The following ANKFN1 variants were observed in gnomAD, a reference collection of about 807,000 sequenced individuals.
The protein encoded by ANKFN1 is ankyrin repeat and fibronectin type III domain containing 1, also known as ankyrin repeat and fibronectin type-III domain-containing protein 1.
In ANKFN1, 74 loss-of-function variants were observed where a neutral mutation model predicts 108.7. The observed-to-expected ratio is 0.68, with a 90% CI of 0.56 to 0.83. ANKFN1 has a LOEUF of 0.83. Ranked by LOEUF, ANKFN1 falls within the 40% of genes least tolerant of loss-of-function variation. ANKFN1 has a pLI of 0.00. For synonymous variants in ANKFN1, 547 were observed against 516.2 expected, an observed-to-expected ratio of 1.06 and a Z score of -0.81; for missense variants, 1,505 against 1,382.3, an observed-to-expected ratio of 1.09 and a Z score of -1.41.
chr17:56,384,155 G>C (rs1356236254), intron 8 of ANKFN1, among the ~76,000 whole-genome samples: 1 of 152,156 alleles, frequency 6.6e-6, no homozygotes, highest in Non-Finnish European at 1.5e-5. Flanking sequence ...TCATCCCTGG[G>C]ATGCAAGGCT....
intron 3 of ANKFN1, among the ~76,000 whole-genome samples, chr17:56,237,608 C>T (rs774266052): frequency 6.6e-6 from 1 of 152,040 alleles, no homozygotes; most frequent in African/African-American, 2.4e-5. Context: ...ATTTTTATTT[C>T]TCTGGGGTCA....
chr17:56,100,458 A>G (rs1905622981), intron 4 of ANKFN1, among the ~76,000 whole-genome samples: 1 of 152,218 alleles, frequency 6.6e-6, no homozygotes, highest in Non-Finnish European at 1.5e-5. Context: ...CACATGAAAA[A>G]TGTAGCAGAG....
intron 16 of ANKFN1, among the ~76,000 whole-genome samples, chr17:56,478,938 A>C (rs1209444375): frequency 6.6e-6 from 1 of 152,138 alleles, no homozygotes; most frequent in Admixed American, 6.5e-5. Flanking sequence ...GCTTGATGAC[A>C]ATGGAGGAAA....
intron 20 of ANKFN1, among the ~76,000 whole-genome samples, chr17:56,502,348 G>A (rs1029071392): frequency 3.3e-5 from 5 of 152,184 alleles, no homozygotes; most frequent in Non-Finnish European, 1.5e-5. Context: ...TCCCTGCTAA[G>A]AGGATCTGGC....
rs1192163077 is a variant in ANKFN1 at position 56,510,884 on chromosome 17, G to A, written c.3056G>A (p.Arg1019His). ...TTCAGCCGCCATCATCGCTGGTTGC[G>A]CATCCACAGCGAGACCCAGTCGCTA... ...GGFSRHHRWL[R>H]IHSETQSLSL... Residue 1019 changes from arginine to histidine, a missense_variant, in exon 21 of 21, where the codon CGC becomes CAC. By Grantham distance (29) the Arg-to-His change is conservative (BLOSUM62 0). Transcript: ENST00000682825. 11 of 1,536,048 alleles carry A rather than the reference G, an allele frequency of 7.2e-6. No homozygotes were observed. The highest frequency in any genetic ancestry group is 4.1e-5 in the African/African-American group (3 of 73,076).
chr17:56,088,591 T>A (rs1420405512), intron 4 of ANKFN1, among the ~76,000 whole-genome samples: 1 of 150,866 alleles, frequency 6.6e-6, no homozygotes, highest in Non-Finnish European at 1.5e-5. Context: ...AGGCCCTGTC[T>A]CCAGCCTCCA....
At chr17:56,440,722 G>A (rs1360550302) in intron 9 of ANKFN1, among the ~76,000 whole-genome samples, 1 of 152,088 alleles carries the variant, frequency 6.6e-6, no homozygotes, top group Non-Finnish European at 1.5e-5. Flanking sequence ...GGGAAAGCAG[G>A]GAGTGGATCA....
At chr17:56,321,549 A>G (rs1343305764) in intron 3 of ANKFN1, among the ~76,000 whole-genome samples, 1 of 152,166 alleles carries the variant, frequency 6.6e-6, no homozygotes, top group Non-Finnish European at 1.5e-5. Context: ...ATTTATGTCT[A>G]ACAAACAAAC....
intron 8 of ANKFN1, among the ~76,000 whole-genome samples, chr17:56,395,191 A>G (rs1054327626): frequency 6.6e-6 from 1 of 152,180 alleles, no homozygotes; most frequent in Non-Finnish European, 1.5e-5. Flanking sequence ...TAATGAAGGG[A>G]TTATTTACAG....
intron 3 of ANKFN1, among the ~76,000 whole-genome samples, chr17:56,295,448 G>C (rs779990012): frequency 2.0e-5 from 3 of 152,154 alleles, no homozygotes; most frequent in Admixed American, 6.5e-5. Flanking sequence ...GCAGCTGCTT[G>C]GGTCTCACCC....
At chr17:56,199,385 G>A (rs1281810458) in intron 1 of ANKFN1, among the ~76,000 whole-genome samples, 1 of 151,422 alleles carries the variant, frequency 6.6e-6, no homozygotes, top group Non-Finnish European at 1.5e-5. Context: ...TTTTTAAGAA[G>A]ATATTTTCTG....
At chr17:56,465,850 A>G (rs2050054479) in intron 14 of ANKFN1, among the ~76,000 whole-genome samples, 1 of 152,182 alleles carries the variant, frequency 6.6e-6, no homozygotes, top group African/African-American at 2.4e-5. Flanking sequence ...AGTATCTTGA[A>G]GGGAATGTGC....
intron 8 of ANKFN1, among the ~76,000 whole-genome samples, chr17:56,429,844 C>A (rs1397559970): frequency 1.3e-5 from 2 of 152,060 alleles, no homozygotes; most frequent in African/African-American, 4.8e-5. Context: ...GTAATTATAG[C>A]AATGGAGTTT....
intron 3 of ANKFN1, among the ~76,000 whole-genome samples, chr17:56,232,759 A>G (rs751704876): frequency 1.3e-5 from 2 of 152,090 alleles, no homozygotes; most frequent in Non-Finnish European, 2.9e-5. Flanking sequence ...GCTTACATTA[A>G]CTCAATCAAC....
At position 56,141,748 on chromosome 17, in the gene ANKFN1, C is replaced by T. The variant is rs573083151; in HGVS notation, c.289-86169C>T. Among the ~76,000 whole-genome samples, 3 of 152,168 alleles carry T rather than the reference C, an allele frequency of 2.0e-5. No homozygotes were observed. In the East Asian group the frequency reaches 5.8e-4, roughly 29 times the overall value. On this transcript the variant is annotated intron_variant, in intron 4 of 12. Coordinates refer to the ANKFN1 transcript ENST00000635860. Reference sequence around the variant, plus strand: ...TTGAATTTCCACACAAATCCTCACCCTGATGCTGTGACCTCAGCTGAAGCA... The same window carrying T: ...TTGAATTTCCACACAAATCCTCACCTTGATGCTGTGACCTCAGCTGAAGCA...
chr17:56,328,424 C>CT (rs1344468742), intron 4 of ANKFN1, among the ~76,000 whole-genome samples: 4 of 152,144 alleles, frequency 2.6e-5, no homozygotes, highest in Non-Finnish European at 5.9e-5. Context: ...TTATAAAATT[C>CT]AAACATTCCT....
chr17:56,315,817 A>T (rs956365817), intron 3 of ANKFN1, among the ~76,000 whole-genome samples: 5 of 152,334 alleles, frequency 3.3e-5, no homozygotes, highest in African/African-American at 1.2e-4. Flanking sequence ...GAGTCTGAAG[A>T]CAGAAGAACT....
chr17:56,453,496 T>C (rs997428033), intron 11 of ANKFN1, among the ~76,000 whole-genome samples: 1 of 152,168 alleles, frequency 6.6e-6, no homozygotes, highest in African/African-American at 2.4e-5. Flanking sequence ...TATTGCATCT[T>C]CTTAAGGAAA....
chr17:56,300,061 A>G (rs1188854288), intron 3 of ANKFN1, among the ~76,000 whole-genome samples: 1 of 152,208 alleles, frequency 6.6e-6, no homozygotes, highest in Non-Finnish European at 1.5e-5. Flanking sequence ...ATCTGCCACC[A>G]GTTCTCTAGT....
Sources: gnomAD v4.1 joint callset for allele counts (sites outside exome capture counted in the v4.1 genomes callset) on GRCh38, gnomAD v4.1.1 for gene constraint, MANE v1.5 for transcripts, NCBI Gene and HGNC (gene_info 2026-07-23, HGNC 2026-07-21) for gene names.